Variants in ATG7 observed in about 807,000 individuals in gnomAD.
ATG7 encodes autophagy related 7, also known as ubiquitin-like modifier-activating enzyme ATG7.
In ATG7, 70 loss-of-function variants were observed where a neutral mutation model predicts 82.4. That is an observed-to-expected ratio of 0.85 (90% CI 0.70 to 1.04). ATG7 has a LOEUF of 1.04. Ranked by LOEUF, ATG7 falls within the 50% of genes least tolerant of loss-of-function variation. The pLI, the probability that ATG7 is intolerant of heterozygous loss-of-function variation, is 0.00. For synonymous variants in ATG7, 287 were observed against 313.0 expected (o/e 0.92, Z 0.88); for missense variants, 792 against 864.3 (o/e 0.92, Z 1.05).
chr3:11,483,626 T>C (rs2089271075), intron 20 of ATG7, among the ~76,000 whole-genome samples: 1 of 152,220 alleles, frequency 6.6e-6, no homozygotes, highest in East Asian at 1.9e-4. Context: ...TTCTGCCATA[T>C]TCAAATCCTT....
At chr3:11,331,906 G>A (rs1273023128) in intron 10 of ATG7, among the ~76,000 whole-genome samples, 1 of 152,146 alleles carries the variant, frequency 6.6e-6, no homozygotes, top group Non-Finnish European at 1.5e-5. Context: ...TCCACCAAAA[G>A]TATTTAATAA....
intron 18 of ATG7, among the ~76,000 whole-genome samples, chr3:11,374,922 G>C (rs1157880088): frequency 6.4e-5 from 7 of 109,908 alleles, no homozygotes; most frequent in African/African-American, 2.7e-4. Context: ...AAAAAAAAAA[G>C]TCTGGGCATG....
chr3:11,432,920 G>A (rs985459144), intron 20 of ATG7, among the ~76,000 whole-genome samples: 6 of 152,120 alleles, frequency 3.9e-5, no homozygotes, highest in African/African-American at 1.2e-4. Context: ...GGAACCCAGG[G>A]AAATGGCCTT....
At chr3:11,455,037 C>T (rs531722847) in intron 20 of ATG7, among the ~76,000 whole-genome samples, 105 of 152,228 alleles carry the variant, frequency 6.9e-4, no homozygotes, top group African/African-American at 2.4e-3. Flanking sequence ...CTTTATTTCT[C>T]TCGAGTACAG....
At chr3:11,524,853 T>G (rs2092533877) in intron 20 of ATG7, among the ~76,000 whole-genome samples, 1 of 152,134 alleles carries the variant, frequency 6.6e-6, no homozygotes, top group Admixed American at 6.6e-5. Context: ...ATCCCCATTG[T>G]CCTGTCATCC....
At chr3:11,463,517 G>T (rs527262268) in intron 20 of ATG7, among the ~76,000 whole-genome samples, 5 of 152,052 alleles carry the variant, frequency 3.3e-5, no homozygotes, top group African/African-American at 1.2e-4. Context: ...AGCCCTTCCC[G>T]CATTTAGACT....
At chr3:11,307,878 C>T (rs1948012242) in intron 6 of ATG7, among the ~76,000 whole-genome samples, 1 of 152,190 alleles carries the variant, frequency 6.6e-6, no homozygotes, top group African/African-American at 2.4e-5. Context: ...GGGATGGACG[C>T]AGCTGTGACT....
chr3:11,488,689 A>G (rs895200042), intron 20 of ATG7, among the ~76,000 whole-genome samples: 1 of 152,160 alleles, frequency 6.6e-6, no homozygotes, highest in African/African-American at 2.4e-5. Context: ...GGTTCTGTTT[A>G]TATGCTAGGT....
chr3:11,456,829 C>A (rs537026990), intron 20 of ATG7, among the ~76,000 whole-genome samples: 14 of 152,256 alleles, frequency 9.2e-5, no homozygotes, highest in African/African-American at 3.1e-4. Flanking sequence ...GTATGTGTAC[C>A]CTTTTCTGAA....
At chr3:11,442,737 T>TCCCAAA (rs1284197735) in intron 20 of ATG7, among the ~76,000 whole-genome samples, 1 of 5,822 alleles carries the variant, frequency 1.7e-4, no homozygotes, top group Non-Finnish European at 4.3e-4. Flanking sequence ...ACTCCATCTC[T>TCCCAAA]ACAAAAAAAA....
intron 20 of ATG7, among the ~76,000 whole-genome samples, chr3:11,452,177 G>A (rs547254476): frequency 3.8e-4 from 58 of 151,936 alleles, no homozygotes; most frequent in South Asian, 3.1e-3. Flanking sequence ...CTGAGGTCAG[G>A]CATTCAAGAC....
rs2072558494 is a variant in ATG7 at position 11,557,559 on chromosome 3, A to G, written c.*2716A>G. ...CTGCCAGGAGCTGGCCTCCCGCACT[A>G]CTTGTGAGTAAAGTGAATATCAAAT... is the stretch of plus-strand genomic sequence containing the variant. On this transcript the variant is annotated 3_prime_UTR_variant, in exon 21 of 21. Coordinates refer to ENST00000693202, the MANE Select transcript of ATG7 (RefSeq NM_001349232.2). The G allele has an allele frequency of 6.6e-6, 1 of 152,542 alleles. No homozygotes were observed. The highest frequency in any genetic ancestry group is 2.1e-4 in the South Asian group (1 of 4,832). The allele number at this position is 152,542 out of a possible 1,614,324, so 9.4% of individuals were successfully genotyped here.
intron 20 of ATG7, among the ~76,000 whole-genome samples, chr3:11,527,108 TAC>T (rs2092601638): frequency 6.7e-6 from 1 of 149,618 alleles, no homozygotes; most frequent in Non-Finnish European, 1.5e-5. Context: ...CATATACATA[TAC>T]ACACATTTTT....
chr3:11,473,413 A>G (rs2087766212), intron 20 of ATG7, among the ~76,000 whole-genome samples: 1 of 152,218 alleles, frequency 6.6e-6, no homozygotes, highest in Admixed American at 6.5e-5. Flanking sequence ...GATGGATATC[A>G]TTATCCCCAC....
intron 20 of ATG7, among the ~76,000 whole-genome samples, chr3:11,449,133 A>G (rs1408494612): frequency 6.6e-6 from 1 of 152,248 alleles, no homozygotes; most frequent in Non-Finnish European, 1.5e-5. Flanking sequence ...CCTGTGAAGG[A>G]ATGCAGCGTG....
intron 9 of ATG7, 40 bp from the exon 10 acceptor site, chr3:11,331,300 A>T: frequency 6.8e-7 from 1 of 1,468,224 alleles, no homozygotes; most frequent in Non-Finnish European, 9.5e-7. Flanking sequence ...TGAAGCTGAC[A>T]TGATACTCGA....
intron 20 of ATG7, among the ~76,000 whole-genome samples, chr3:11,517,473 A>G (rs1049095558): frequency 2.0e-4 from 31 of 152,192 alleles, no homozygotes; most frequent in African/African-American, 7.2e-4. Flanking sequence ...ATTAAAAGAA[A>G]AAAAACTCGA....
In ATG7 at chr3:11,342,201, C is replaced by T. The variant is rs772172886; in HGVS notation, c.1047C>T (p.Asp349=). Residue 349 remains aspartate, a synonymous_variant, in exon 13 of 21, where the codon GAC becomes GAT. Coordinates refer to ENST00000693202, the MANE Select transcript of ATG7 (RefSeq NM_001349232.2). ...GTTGGAGATTGGTTCCTACTTTAGA[C>T]TTGGACAAGGTTGTGTCTGTCAAAT... ...LMCWRLVPTL[D]LDKVVSVKCL... is the part of the protein sequence containing the mutation. 1.2e-6 allele frequency: 2 copies of T among 1,613,628 alleles called. No individual in the cohort carries two copies. The highest frequency in any genetic ancestry group is 2.2e-5 in the South Asian group (2 of 91,048).
In ATG7 at chr3:11,433,290, A is replaced by T. The variant is rs796628060; in HGVS notation, c.2079+6364A>T. On this transcript the variant is annotated intron_variant, in intron 20 of 20. Coordinates refer to ENST00000693202, the MANE Select transcript of ATG7 (RefSeq NM_001349232.2). ...CAGAGCAAGACCCTGTCTCTTATTT[A>T]AAAAAAAAAAAAAAAAAAAAAAAAA... Among the ~76,000 whole-genome samples the T allele has an allele frequency of 6.6e-4, 27 of 40,710 alleles. 1 individual carries two copies. The highest frequency in any genetic ancestry group is 2.4e-3 in the East Asian group (5 of 2,050). 26.7% of individuals were successfully genotyped at this position (40,710 alleles called of 152,430 possible). A position where few individuals can be genotyped will look rare whatever the true frequency, so the allele number is the denominator to read the frequency against.
Sources: gnomAD v4.1 joint callset for allele counts (sites outside exome capture counted in the v4.1 genomes callset) on GRCh38, gnomAD v4.1.1 for gene constraint, MANE v1.5 for transcripts, NCBI Gene and HGNC (gene_info 2026-07-23, HGNC 2026-07-21) for gene names.